Variants in SLC6A2 observed in about 807,000 individuals in gnomAD.
SLC6A2 encodes the protein solute carrier family 6 member 2, also known as sodium-dependent noradrenaline transporter.
In SLC6A2, 26 loss-of-function variants were observed where a neutral mutation model predicts 71.7. That is an observed-to-expected ratio of 0.36 (90% confidence interval 0.27 to 0.50). SLC6A2 has a LOEUF of 0.50. Among genes scored for constraint, SLC6A2 ranks in the 20% least tolerant of loss-of-function variants. The probability of loss-of-function intolerance (pLI) is 0.96; values close to 1 mark genes in which losing one functional copy is unlikely to be tolerated. For missense variants in SLC6A2, 581 were observed against 803.9 expected (o/e 0.72, Z 3.35); for synonymous variants, 363 against 337.9 (o/e 1.07, Z -0.82).
intron 8 of SLC6A2, among the ~76,000 whole-genome samples, chr16:55,695,924 C>T (rs3785157): frequency 0.26 from 39,098 of 151,998 alleles, 5,959 homozygotes; most frequent in Non-Finnish European, 0.33. Context: ...TAATGCACTC[C>T]GAGGACCCCA....
chr16:55,675,191 C>T (rs1965046394), intron 4 of SLC6A2, among the ~76,000 whole-genome samples: 1 of 152,184 alleles, frequency 6.6e-6, no homozygotes, highest in Admixed American at 6.5e-5. Context: ...TTGCATAGCA[C>T]TCTGTTCACA....
Position 55,656,735 on chromosome 16 carries a change from A to G in SLC6A2, c.41A>G (p.Asn14Ser). The change falls in exon 2 of 15, where the codon AAC becomes AGC. Residue 14 changes from asparagine (N) to serine (S), a missense_variant. Asn to Ser is a conservative substitution (Grantham distance 46, BLOSUM62 1). Coordinates refer to ENST00000568943, the MANE Select transcript of SLC6A2 (RefSeq NM_001172501.3). This position sits in a 1 kb window ranked among gnomAD's most constrained non-coding sequence, Gnocchi z 4.5. Reference protein sequence around the residue: ...ARMNPQVQPENNGADTGPEQP... With the variant: ...ARMNPQVQPESNGADTGPEQP... ...ATGAACCCGCAGGTGCAGCCCGAGA[A>G]CAACGGGGCGGACACGGGTCCAGAG... 2 of 1,612,962 alleles carry G rather than the reference A, an allele frequency of 1.2e-6. No individual in the cohort carries two copies. The highest frequency in any genetic ancestry group is 1.7e-6 in the Non-Finnish European group (2 of 1,179,900).
At chr16:55,666,404 T>C (rs537287393) in intron 2 of SLC6A2, among the ~76,000 whole-genome samples, 7 of 152,200 alleles carry the variant, frequency 4.6e-5, no homozygotes, top group Non-Finnish European at 1.0e-4. Context: ...TTCCTGACTC[T>C]TCAACCTGAA....
Position 55,656,596 on chromosome 16 carries a change from T to C in SLC6A2, c.-51-48T>C, listed in dbSNP as rs1964455261. The stretch of plus-strand genomic sequence containing the variant: ...CCCGGGTGGTCTTGGGAGTTGCAAG[T>C]AGGGAGGAACGGCCGGGTAACCACC... On this transcript the variant is annotated intron_variant, in intron 1 of 14. Transcript: ENST00000568943. This position sits in a 1 kb window ranked among gnomAD's most constrained non-coding sequence, Gnocchi z 4.5. 8 of 1,497,692 alleles carry C rather than the reference T, an allele frequency of 5.3e-6. No homozygotes were observed. The highest frequency in any genetic ancestry group is 1.4e-5 in the African/African-American group (1 of 72,716). 92.8% of individuals were successfully genotyped at this position (1,497,692 alleles called of 1,614,324 possible).
intron 6 of SLC6A2, 63 bp downstream of exon 6, chr16:55,692,115 G>T (rs1965652814): frequency 6.3e-7 from 1 of 1,590,306 alleles, no homozygotes; most frequent in Non-Finnish European, 8.6e-7. Context: ...AGGAGAAGGT[G>T]ATGATGGAAA....
At chr16:55,684,759 A>G (rs181589232) in intron 4 of SLC6A2, among the ~76,000 whole-genome samples, 21 of 152,372 alleles carry the variant, frequency 1.4e-4, no homozygotes, top group Admixed American at 1.4e-3. Context: ...GGTGGGGGTC[A>G]GGGACAAAAC....
chr16:55,678,499 G>T (rs927415111), intron 4 of SLC6A2, among the ~76,000 whole-genome samples: 2 of 152,080 alleles, frequency 1.3e-5, no homozygotes, highest in Non-Finnish European at 2.9e-5. Flanking sequence ...TAGGCTGATG[G>T]ACTGAGCATA....
intron 6 of SLC6A2, 148 bp from the exon 7 acceptor site, chr16:55,693,862 G>A: frequency 4.1e-6 from 3 of 728,964 alleles, no homozygotes; most frequent in Non-Finnish European, 7.6e-6. Flanking sequence ...ATGCAGGGGA[G>A]GGAGTTGCCA....
chr16:55,698,549 C>A lies in SLC6A2; in HGVS notation c.1470C>A (p.Ile490=). 1 of 1,613,220 alleles carries A rather than the reference C, an allele frequency of 6.2e-7. No individual in the cohort carries two copies. Among genetic ancestry groups the A allele is most frequent in the Non-Finnish European group, 8.5e-7 (1 of 1,179,160 alleles). Residue 490 remains isoleucine, a synonymous_variant, in exon 11 of 15, where the codon ATC becomes ATA. Transcript: ENST00000568943. ...SILFAVLMEA[I]GVSWFYGVDR... is the part of the protein sequence containing the mutation. ...TTTTTGCTGTCCTCATGGAAGCCATCGGAGTTTCCTGGTTTTATGGTATGT... is the reference window on the plus strand; with the variant it reads ...TTTTTGCTGTCCTCATGGAAGCCATAGGAGTTTCCTGGTTTTATGGTATGT...
chr16:55,683,705 T>A (rs1158612626), intron 4 of SLC6A2, among the ~76,000 whole-genome samples: 6 of 150,724 alleles, frequency 4.0e-5, no homozygotes, highest in African/African-American at 1.5e-4. Context: ...TACAAAGGAG[T>A]GACTATCATC....
Position 55,703,725 on chromosome 16 carries a change from C to T in SLC6A2, c.*1379C>T. 1.0e-6 allele frequency: 1 copy of T among 985,276 alleles called. No individual in the cohort carries two copies. The highest frequency in any genetic ancestry group is 5.2e-4 in the Middle Eastern group (1 of 1,914). The allele number at this position is 985,276 out of a possible 1,614,324, so 61.0% of individuals were successfully genotyped here. On this transcript the variant is annotated 3_prime_UTR_variant, in exon 15 of 15. Coordinates refer to ENST00000568943, the MANE Select transcript of SLC6A2 (RefSeq NM_001172501.3). ...CTTGTTGGAGGGATTCTTATTCTGA[C>T]TGTGGGAGCTCCTGTTGCGGGATCT...
chr16:55,684,044 T>A (rs563616530), intron 4 of SLC6A2, among the ~76,000 whole-genome samples: 1 of 152,260 alleles, frequency 6.6e-6, no homozygotes, highest in Non-Finnish European at 1.5e-5. Context: ...ACACCTATAA[T>A]CTCAGCACTT....
chr16:55,664,102 G>T (rs554022496), intron 2 of SLC6A2, among the ~76,000 whole-genome samples: 18 of 152,296 alleles, frequency 1.2e-4, no homozygotes, highest in African/African-American at 4.3e-4. Flanking sequence ...GGAGCTTCAG[G>T]AGAGGCAAAC....
intron 3 of SLC6A2, among the ~76,000 whole-genome samples, chr16:55,670,031 G>A (rs554081975): frequency 7.0e-4 from 106 of 152,324 alleles, no homozygotes; most frequent in Middle Eastern, 6.8e-3. Context: ...TCCCATGGCA[G>A]GCGTTAGAAG....
At chr16:55,678,456 G>C (rs146257855) in intron 4 of SLC6A2, among the ~76,000 whole-genome samples, 8 of 152,186 alleles carry the variant, frequency 5.3e-5, no homozygotes, top group African/African-American at 1.9e-4. Context: ...CTGCCAACCT[G>C]CTGGCCAATT....
chr16:55,700,854 TATAC>T (rs1467489973), intron 13 of SLC6A2, among the ~76,000 whole-genome samples: 1 of 152,000 alleles, frequency 6.6e-6, no homozygotes, highest in Non-Finnish European at 1.5e-5. Flanking sequence ...TGTGTGTGTA[TATAC>T]ATACATGTAT....
chr16:55,705,080 G>A lies in SLC6A2; in HGVS notation c.*2734G>A, dbSNP rs186007632. 1 of 747,198 alleles carries A rather than the reference G, an allele frequency of 1.3e-6. No homozygotes were observed. The highest frequency in any genetic ancestry group is 2.1e-5 in the Admixed American group (1 of 47,620). 46.3% of individuals were successfully genotyped at this position (747,198 alleles called of 1,614,324 possible). A position where few individuals can be genotyped will look rare whatever the true frequency, so the allele number is the denominator to read the frequency against. Reference sequence around the variant, plus strand: ...GTGCTGTGTACTGTATATGACACTTGACGCTTTTGATATTTTTTCAGGTTT... The same window carrying A: ...GTGCTGTGTACTGTATATGACACTTAACGCTTTTGATATTTTTTCAGGTTT... On this transcript the variant is annotated 3_prime_UTR_variant, in exon 15 of 15. Coordinates refer to ENST00000568943, the MANE Select transcript of SLC6A2 (RefSeq NM_001172501.3).
intron 4 of SLC6A2, among the ~76,000 whole-genome samples, chr16:55,683,637 C>T (rs568715638): frequency 1.7e-4 from 25 of 149,708 alleles, no homozygotes; most frequent in East Asian, 3.9e-4. Flanking sequence ...AACAAACAAA[C>T]GAAACAAAAC....
At chr16:55,684,638 C>T (rs1965388596) in intron 4 of SLC6A2, among the ~76,000 whole-genome samples, 1 of 152,140 alleles carries the variant, frequency 6.6e-6, no homozygotes, top group South Asian at 2.1e-4. Flanking sequence ...GGAGACTGTC[C>T]TGTACATTGC....
Sources: gnomAD v4.1 joint callset for allele counts (sites outside exome capture counted in the v4.1 genomes callset) on GRCh38, gnomAD v4.1.1 for gene constraint, Gnocchi (gnomAD v3.1) non-coding constraint, MANE v1.5 for transcripts, NCBI Gene and HGNC (gene_info 2026-07-23, HGNC 2026-07-21) for gene names.